The following SMURF2 variants were observed in gnomAD, a reference collection of about 807,000 sequenced individuals.
SMURF2 encodes E3 ubiquitin-protein ligase SMURF2.
Under a neutral mutation model 109.6 loss-of-function variants are expected in SMURF2, and 48 were observed. The observed-to-expected ratio is 0.44, with a 90% CI of 0.35 to 0.56. SMURF2 has a LOEUF of 0.56. Ranked by LOEUF, SMURF2 falls within the 20% of genes least tolerant of loss-of-function variation. The probability of loss-of-function intolerance (pLI) is 0.01; values close to 1 mark genes in which losing one functional copy is unlikely to be tolerated. For synonymous variants in SMURF2, 288 were observed against 317.1 expected, an observed-to-expected ratio of 0.91 and a Z score of 0.97; for missense variants, 575 against 909.0, an observed-to-expected ratio of 0.63 and a Z score of 4.72.
intron 1 of SMURF2, among the ~76,000 whole-genome samples, chr17:64,621,161 T>A (rs1470727858): frequency 6.6e-6 from 1 of 152,226 alleles, no homozygotes; most frequent in Non-Finnish European, 1.5e-5. Flanking sequence ...TCTGAAAAAC[T>A]GTAGTCACTC....
At position 64,579,467 on chromosome 17, in the gene SMURF2, T is replaced by C. The variant is rs151144123; in HGVS notation, c.773-891A>G. ...GATTATAAACAAAATCATATTACTATAGAGGACAGCTGTAATAACTTCAGC... is the reference window on the plus strand; with the variant it reads ...GATTATAAACAAAATCATATTACTACAGAGGACAGCTGTAATAACTTCAGC... On this transcript the variant is annotated intron_variant, in intron 8 of 18. Coordinates refer to ENST00000262435, the MANE Select transcript of SMURF2 (RefSeq NM_022739.4). Among the ~76,000 whole-genome samples the C allele has an allele frequency of 1.5e-3, 230 of 152,332 alleles. 2 individuals are homozygous for C. Among genetic ancestry groups the C allele is most frequent in the African/African-American group, 5.5e-3 (227 of 41,586 alleles).
At chr17:64,599,483 C>T (rs1335735078) in intron 2 of SMURF2, among the ~76,000 whole-genome samples, 1 of 152,132 alleles carries the variant, frequency 6.6e-6, no homozygotes, top group Non-Finnish European at 1.5e-5. Context: ...TTAAGGCAGG[C>T]GTCTCCAACC....
intron 1 of SMURF2, among the ~76,000 whole-genome samples, chr17:64,629,569 G>A (rs557834050): frequency 6.6e-6 from 1 of 152,278 alleles, no homozygotes; most frequent in East Asian, 1.9e-4. Flanking sequence ...TCTTACCAAA[G>A]TAGATTACAC....
intron 14 of SMURF2, 47 bp from the exon 15 acceptor site, chr17:64,555,040 C>T (rs1165360252): frequency 1.3e-6 from 2 of 1,560,670 alleles, no homozygotes; most frequent in Non-Finnish European, 1.8e-6. Context: ...ACCTAAAATA[C>T]AGACCCTATA....
rs1185372012 is a variant in SMURF2, at chr17:64,643,929, C to T, written c.52+17900G>A. On this transcript the variant is annotated intron_variant, in intron 1 of 18. Coordinates refer to ENST00000262435, the MANE Select transcript of SMURF2 (RefSeq NM_022739.4). Reference sequence around the variant, plus strand: ...GCAGCCTCTGCCTCCTGGGTTCAGGCGATTCTCCTGCCTCAGCCTCCTAAG... The same window carrying T: ...GCAGCCTCTGCCTCCTGGGTTCAGGTGATTCTCCTGCCTCAGCCTCCTAAG... Among the ~76,000 whole-genome samples the T allele has an allele frequency of 2.0e-5, 3 of 152,160 alleles. 1 individual carries two copies.
intron 1 of SMURF2, among the ~76,000 whole-genome samples, chr17:64,649,350 T>C (rs1970605078): frequency 3.9e-5 from 6 of 152,074 alleles, no homozygotes; most frequent in Admixed American, 3.9e-4. Flanking sequence ...AGCGCCAGCA[T>C]GCTACAGAGG....
At chr17:64,606,543 A>T in intron 2 of SMURF2, 59 bp downstream of exon 2, 1 of 1,233,790 alleles carries the variant, frequency 8.1e-7, no homozygotes, top group Non-Finnish European at 1.1e-6. Flanking sequence ...GAGAATTCTG[A>T]AAACGCTGTT....
intron 1 of SMURF2, among the ~76,000 whole-genome samples, chr17:64,626,932 TA>T (rs147392473): frequency 0.15 from 20,312 of 139,870 alleles, 2,053 homozygotes; most frequent in African/African-American, 0.29. Flanking sequence ...CGTATTCCCC[TA>T]AAAAAAAAAA....
At chr17:64,593,653 T>C (rs1203780588) in intron 3 of SMURF2, 80 bp from the exon 4 acceptor site, 2 of 1,255,046 alleles carry the variant, frequency 1.6e-6, no homozygotes, top group Middle Eastern at 2.2e-4. Flanking sequence ...TCTTTTTATA[T>C]TCTAAAGTTA....
chr17:64,560,100 A>AG (rs1969190662), intron 12 of SMURF2, among the ~76,000 whole-genome samples: 3 of 151,322 alleles, frequency 2.0e-5, no homozygotes, highest in Admixed American at 6.6e-5. Context: ...CTATAGTCCT[A>AG]GCTCTTTAGG....
intron 2 of SMURF2, among the ~76,000 whole-genome samples, chr17:64,600,637 T>C (rs1441053265): frequency 1.3e-5 from 2 of 152,208 alleles, no homozygotes; most frequent in Non-Finnish European, 2.9e-5. Context: ...AGTTAGGGTA[T>C]TAAATCTATT....
At chr17:64,622,064 A>G (rs1218927893) in intron 1 of SMURF2, among the ~76,000 whole-genome samples, 2 of 148,828 alleles carry the variant, frequency 1.3e-5, no homozygotes, top group East Asian at 1.9e-4. Context: ...TGTCCCCAAA[A>G]TAAGTGATAA....
In SMURF2 at chr17:64,560,511, T is replaced by C. The variant is rs546412291; in HGVS notation, c.1316+989A>G. Among the ~76,000 whole-genome samples, 416 of 152,286 alleles carry C rather than the reference T, an allele frequency of 2.7e-3. 2 individuals carry two copies. The highest frequency in any genetic ancestry group is 4.5e-3 in the Non-Finnish European group (308 of 68,012). ...GCTAAATAACAATTAATGGGAATTA[T>C]TGAAAACATAATTTTGGTTGGATTT... On this transcript the variant is annotated intron_variant, in intron 12 of 18. Transcript: ENST00000262435.
chr17:64,605,136 A>G (rs543000045), intron 2 of SMURF2, among the ~76,000 whole-genome samples: 2 of 151,844 alleles, frequency 1.3e-5, no homozygotes, highest in East Asian at 1.9e-4. Flanking sequence ...CCTGAGACAG[A>G]TAACAGTGAT....
intron 15 of SMURF2, among the ~76,000 whole-genome samples, chr17:64,554,175 A>C (rs77277947): frequency 6.6e-6 from 1 of 152,166 alleles, no homozygotes; most frequent in Non-Finnish European, 1.5e-5. Context: ...GCCACCTGTG[A>C]TAGCTACACC....
At chr17:64,562,381 ATTT>A (rs554359318) in intron 11 of SMURF2, among the ~76,000 whole-genome samples, 1 of 138,662 alleles carries the variant, frequency 7.2e-6, no homozygotes, top group Non-Finnish European at 1.6e-5. Flanking sequence ...TTAACTTCTA[ATTT>A]TTTTTTTTTT....
rs1191728362 is a variant in SMURF2, at chr17:64,581,808, G to T, written c.570-817C>A. ...AAAAATACAAAAATTAGCCGGGTGT[G>T]GGGGCGGGCGCCTGTAGTCCCAGCT... On this transcript the variant is annotated intron_variant, in intron 7 of 18. Coordinates refer to ENST00000262435, the MANE Select transcript of SMURF2 (RefSeq NM_022739.4). This position sits in a 1 kb window ranked among gnomAD's most constrained non-coding sequence, Gnocchi z 4.3. Among the ~76,000 whole-genome samples, 1 of 151,894 alleles carries T rather than the reference G, an allele frequency of 6.6e-6. No individual in the cohort carries two copies. The highest frequency in any genetic ancestry group is 2.1e-4 in the South Asian group (1 of 4,814).
intron 12 of SMURF2, among the ~76,000 whole-genome samples, chr17:64,559,888 C>T (rs1555684375): frequency 6.6e-6 from 1 of 151,514 alleles, no homozygotes; most frequent in Non-Finnish European, 1.5e-5. Context: ...GCTGGGACTA[C>T]AGGTGTGCGC....
intron 10 of SMURF2, among the ~76,000 whole-genome samples, chr17:64,566,878 G>T (rs1374252669): frequency 1.6e-5 from 2 of 121,964 alleles, no homozygotes; most frequent in African/African-American, 3.0e-5. Context: ...CTGACAGAGA[G>T]TTTTTTTTTT....
Sources: allele counts gnomAD v4.1 joint callset (sites outside exome capture counted in the v4.1 genomes callset), GRCh38; gene constraint gnomAD v4.1.1; non-coding constraint Gnocchi (gnomAD v3.1); transcripts MANE v1.5; gene names NCBI Gene and HGNC (gene_info 2026-07-23, HGNC 2026-07-21).